The following CLASP2 variants were observed in gnomAD, a reference collection of about 807,000 sequenced individuals.
The protein encoded by CLASP2 is cytoplasmic linker associated protein 2, also known as CLIP-associating protein 2.
Under a neutral mutation model 194.4 loss-of-function variants are expected in CLASP2, and 47 were observed. The observed-to-expected ratio is 0.24, with a 90% confidence interval of 0.19 to 0.31. The LOEUF (loss-of-function observed/expected upper bound fraction) is 0.31. CLASP2 is among the 10% of genes least tolerant of loss of function. The probability of loss-of-function intolerance (pLI) is 1.00; values close to 1 mark genes in which losing one functional copy is unlikely to be tolerated. For synonymous variants in CLASP2, 619 were observed against 633.5 expected, an observed-to-expected ratio of 0.98 and a Z score of 0.34; for missense variants, 1,445 against 1,823.6, an observed-to-expected ratio of 0.79 and a Z score of 3.78.
chr3:33,657,710 T>G (rs1013271190), intron 7 of CLASP2, among the ~76,000 whole-genome samples: 7 of 152,132 alleles, frequency 4.6e-5, no homozygotes, highest in African/African-American at 1.4e-4. Flanking sequence ...TTTATTTCCA[T>G]AAGATCATAT....
At position 33,588,834 on chromosome 3, in the gene CLASP2, C is replaced by G. The variant is rs933817034; in HGVS notation, c.2068+3561G>C. On this transcript the variant is annotated intron_variant, in intron 21 of 38. Transcript: ENST00000682230. The stretch of plus-strand genomic sequence containing the variant: ...CAGATGGAAATAAGAAAGCTTTAGT[C>G]AGTTCTCAGAAAATTAAAAAACCCT... 11 of 663,100 alleles carry G rather than the reference C, an allele frequency of 1.7e-5. No homozygotes were observed. In the African/African-American group the frequency reaches 1.8e-4, roughly 11 times the overall value. The allele number at this position is 663,100 out of a possible 1,614,324, so 41.1% of individuals were successfully genotyped here.
chr3:33,498,568 A>G lies in CLASP2; in HGVS notation c.*63T>C. ...AGGATGTGTTTGAGAACTTCCTTTCATTGATGAGGGTGGTCTATCTGTCCT... is the reference window on the plus strand; with the variant it reads ...AGGATGTGTTTGAGAACTTCCTTTCGTTGATGAGGGTGGTCTATCTGTCCT... On this transcript the variant is annotated 3_prime_UTR_variant, in exon 39 of 39. Coordinates refer to ENST00000682230, the MANE Select transcript of CLASP2 (RefSeq NM_001365631.1). The G allele has an allele frequency of 2.0e-6, 2 of 1,021,570 alleles. No homozygotes were observed. The highest frequency in any genetic ancestry group is 2.9e-5 in the South Asian group (2 of 69,924). The allele number at this position is 1,021,570 out of a possible 1,614,324, so 63.3% of individuals were successfully genotyped here. A position where few individuals can be genotyped will look rare whatever the true frequency, so the allele number is the denominator to read the frequency against.
intron 26 of CLASP2, among the ~76,000 whole-genome samples, chr3:33,569,586 T>A (rs1290556769): frequency 2.0e-5 from 3 of 152,194 alleles, no homozygotes; most frequent in Non-Finnish European, 4.4e-5. Context: ...GATAGCAATA[T>A]CTATCTAGAA....
chr3:33,589,230 T>C (rs2068104205), intron 21 of CLASP2, among the ~76,000 whole-genome samples: 1 of 152,106 alleles, frequency 6.6e-6, no homozygotes, highest in Admixed American at 6.6e-5. Context: ...CAATCATTTG[T>C]ATACAACCAG....
intron 29 of CLASP2, among the ~76,000 whole-genome samples, chr3:33,557,925 C>T (rs756123431): frequency 1.3e-5 from 2 of 152,196 alleles, no homozygotes; most frequent in Non-Finnish European, 2.9e-5. Context: ...CAGACAGCTG[C>T]AAGATAGAAG....
intron 1 of CLASP2, among the ~76,000 whole-genome samples, chr3:33,705,028 G>A (rs1447534109): frequency 6.6e-6 from 1 of 151,990 alleles, no homozygotes; most frequent in Non-Finnish European, 1.5e-5. Flanking sequence ...CATGGCCCAG[G>A]AATTCCACTC....
At chr3:33,697,188 T>C (rs1028318968) in intron 1 of CLASP2, among the ~76,000 whole-genome samples, 4 of 152,162 alleles carry the variant, frequency 2.6e-5, no homozygotes, top group African/African-American at 9.7e-5. Flanking sequence ...ACTAGTAAAT[T>C]AGACAAAGGT....
At chr3:33,530,844 T>C (rs992343188) in intron 34 of CLASP2, among the ~76,000 whole-genome samples, 2 of 152,162 alleles carry the variant, frequency 1.3e-5, no homozygotes, top group Non-Finnish European at 1.5e-5. Context: ...TACACATAAA[T>C]AGAAGCACAT....
intron 37 of CLASP2, chr3:33,505,242 C>CAACAA (rs2047826979): frequency 6.7e-6 from 1 of 149,316 alleles, no homozygotes; most frequent in African/African-American, 2.5e-5. Context: ...ACAACAACAA[C>CAACAA]AACAACAACA....
At chr3:33,500,450 G>C (rs9850008) in intron 38 of CLASP2, among the ~76,000 whole-genome samples, 4,440 of 152,208 alleles carry the variant, frequency 0.029, 211 homozygotes, top group African/African-American at 0.1. Flanking sequence ...TGGAAGGTTT[G>C]CTTTTTAAAC....
chr3:33,530,642 T>A (rs2056065372), intron 34 of CLASP2, among the ~76,000 whole-genome samples: 1 of 152,248 alleles, frequency 6.6e-6, no homozygotes, highest in Non-Finnish European at 1.5e-5. Context: ...TATGATGGTA[T>A]GACAGCAATG....
chr3:33,548,158 A>G (rs1432591149), intron 30 of CLASP2, among the ~76,000 whole-genome samples: 4 of 151,536 alleles, frequency 2.6e-5, no homozygotes, highest in African/African-American at 9.7e-5. Context: ...CAGTTTTGGT[A>G]GTTTGTATTT....
At position 33,508,442 on chromosome 3, in the gene CLASP2, C is replaced by T. The variant is rs191427540; in HGVS notation, c.4317+2116G>A. Among the ~76,000 whole-genome samples the T allele has an allele frequency of 8.0e-3, 1,210 of 152,196 alleles. 10 individuals carry two copies. Among genetic ancestry groups the T allele is most frequent in the South Asian group, 0.013 (63 of 4,824 alleles). On this transcript the variant is annotated intron_variant, in intron 37 of 38. Coordinates refer to ENST00000682230, the MANE Select transcript of CLASP2 (RefSeq NM_001365631.1). ...ACCTCCCGGGTTCACGCCATTCTCCCGCCCCAGCCTCCTGAGTAGCTAGAA... is the reference window on the plus strand; with the variant it reads ...ACCTCCCGGGTTCACGCCATTCTCCTGCCCCAGCCTCCTGAGTAGCTAGAA...
rs772250197 is a variant in CLASP2 at position 33,594,903 on chromosome 3, T to C, written c.1966+48A>G. The C allele has an allele frequency of 2.8e-5, 30 of 1,068,332 alleles. No homozygotes were observed. In the Admixed American group the frequency reaches 7.0e-4, roughly 25 times the overall value. The allele number at this position is 1,068,332 out of a possible 1,614,324, so 66.2% of individuals were successfully genotyped here. A position where few individuals can be genotyped will look rare whatever the true frequency, so the allele number is the denominator to read the frequency against. ...AATATTTAATTCCTACCAATGAAAATAGTAATGTAGATGTATTTGTGTTAC... is the reference window on the plus strand; with the variant it reads ...AATATTTAATTCCTACCAATGAAAACAGTAATGTAGATGTATTTGTGTTAC... On this transcript the variant is annotated intron_variant, in intron 20 of 38. Transcript: ENST00000682230.
rs576093926 is a variant in CLASP2 at position 33,557,156 on chromosome 3, T to A, written c.3009+2151A>T. Among the ~76,000 whole-genome samples the A allele has an allele frequency of 1.1e-4, 16 of 151,956 alleles. No homozygotes were observed. In the East Asian group the frequency reaches 3.1e-3, roughly 30 times the overall value. On this transcript the variant is annotated intron_variant, in intron 29 of 38. Coordinates refer to ENST00000682230, the MANE Select transcript of CLASP2 (RefSeq NM_001365631.1). Reference sequence around the variant, plus strand: ...CCCTGGCTAATTTTTGTATTTTCAGTAGAGACAGGGTTTCTCCATGTTGGC... The same window carrying A: ...CCCTGGCTAATTTTTGTATTTTCAGAAGAGACAGGGTTTCTCCATGTTGGC...
chr3:33,671,495 C>T (rs1003676412), intron 6 of CLASP2, among the ~76,000 whole-genome samples: 2 of 152,202 alleles, frequency 1.3e-5, no homozygotes, highest in South Asian at 4.1e-4. Flanking sequence ...CTCTGGTCTA[C>T]AGCTCCCAGC....
At chr3:33,584,685 C>T in intron 22 of CLASP2, 65 bp downstream of exon 22, 10 of 1,413,562 alleles carry the variant, frequency 7.1e-6, no homozygotes, top group Non-Finnish European at 9.4e-6. Context: ...TTCAATGCTG[C>T]CAAAGCCTGA....
At chr3:33,615,376 CA>C (rs78845283) in intron 12 of CLASP2, among the ~76,000 whole-genome samples, 3,123 of 60,724 alleles carry the variant, frequency 0.051, 81 homozygotes, top group East Asian at 0.15. Context: ...TTCTAAATTA[CA>C]AAAAAAAAAA....
intron 6 of CLASP2, among the ~76,000 whole-genome samples, chr3:33,670,221 CTATGGTGT>C (rs1377420249): frequency 2.0e-5 from 3 of 151,872 alleles, no homozygotes; most frequent in Non-Finnish European, 4.4e-5. Flanking sequence ...CAAAACTAAA[CTATGGTGT>C]TAGAAGTCAG....
Sources: allele counts gnomAD v4.1 joint callset (sites outside exome capture counted in the v4.1 genomes callset), GRCh38; gene constraint gnomAD v4.1.1; transcripts MANE v1.5; gene names NCBI Gene and HGNC (gene_info 2026-07-23, HGNC 2026-07-21).